Variants in PCDH9 observed in about 807,000 individuals in gnomAD.
PCDH9 encodes protocadherin 9.
In PCDH9, 24 loss-of-function variants were observed where a neutral mutation model predicts 70.6. The observed-to-expected ratio is 0.34, with a 90% CI of 0.25 to 0.48. The LOEUF is 0.48. Ranked by LOEUF, PCDH9 falls within the 20% of genes least tolerant of loss-of-function variation. The pLI is 0.99. For synonymous variants in PCDH9, 562 were observed against 558.5 expected (o/e 1.01, Z -0.09); for missense variants, 1,281 against 1,503.6 (o/e 0.85, Z 2.45).
intron 2 of PCDH9, among the ~76,000 whole-genome samples, chr13:67,022,137 T>C (rs1192547510): frequency 1.6e-5 from 1 of 61,124 alleles, no homozygotes. Context: ...TTTTTTTTTT[T>C]TTTTTTTTTT....
intron 4 of PCDH9, among the ~76,000 whole-genome samples, chr13:66,491,077 A>G (rs1028145861): frequency 6.6e-6 from 1 of 152,180 alleles, no homozygotes; most frequent in African/African-American, 2.4e-5. Context: ...TCTCCTGAAC[A>G]TCTGTTTTAA....
At chr13:66,460,556 T>C (rs1958404664) in intron 4 of PCDH9, among the ~76,000 whole-genome samples, 1 of 151,934 alleles carries the variant, frequency 6.6e-6, no homozygotes, top group Non-Finnish European at 1.5e-5. Context: ...TATAAAATCC[T>C]GAGCCTTTTC....
At chr13:66,982,053 T>C (rs1254271366) in intron 2 of PCDH9, among the ~76,000 whole-genome samples, 4 of 152,152 alleles carry the variant, frequency 2.6e-5, no homozygotes, top group Non-Finnish European at 4.4e-5. Context: ...CATGGCTTGA[T>C]GCTGTCTTCA....
chr13:66,397,535 A>G (rs1251212091), intron 4 of PCDH9, among the ~76,000 whole-genome samples: 1 of 149,972 alleles, frequency 6.7e-6, no homozygotes, highest in Non-Finnish European at 1.5e-5. Flanking sequence ...GTATATATAC[A>G]CATATATGTC....
rs954125742 is a variant in PCDH9 at position 66,896,451 on chromosome 13, AAAT to A, written c.3138+7050_3138+7052del. ...CCCAGAACTTCAAGTATAATTTAAA[AAAT>A]AATAATAAGAGGCTATTATATGTAA... On this transcript the variant is annotated intron_variant, in intron 3 of 4. Coordinates refer to ENST00000377865, the MANE Select transcript of PCDH9 (RefSeq NM_203487.3). Among the ~76,000 whole-genome samples, 13 of 152,262 alleles carry A rather than the reference AAAT, an allele frequency of 8.5e-5. No homozygotes were observed. The East Asian group carries it at 1.5e-3, about 18-fold the overall frequency.
At chr13:66,449,411 A>G (rs1788475431) in intron 4 of PCDH9, among the ~76,000 whole-genome samples, 1 of 151,988 alleles carries the variant, frequency 6.6e-6, no homozygotes, top group African/African-American at 2.4e-5. Context: ...TACTGTATTT[A>G]GTTAAGAATA....
At chr13:66,967,937 G>A (rs1312339988) in intron 2 of PCDH9, among the ~76,000 whole-genome samples, 2 of 151,964 alleles carry the variant, frequency 1.3e-5, no homozygotes, top group African/African-American at 4.8e-5. Context: ...GAATGAGGGA[G>A]CCTCTCATCC....
At chr13:66,368,515 A>T (rs746398817) in intron 4 of PCDH9, among the ~76,000 whole-genome samples, 19 of 151,928 alleles carry the variant, frequency 1.3e-4, no homozygotes, top group Non-Finnish European at 2.5e-4. Context: ...TCTGAAAAAA[A>T]ATTAAATATT....
chr13:66,829,008 C>CT (rs565296411), intron 3 of PCDH9, among the ~76,000 whole-genome samples: 53,307 of 151,682 alleles, frequency 0.35, 10,074 homozygotes, highest in Non-Finnish European at 0.43. Context: ...TTCTGTGGGT[C>CT]TTTTTTTGTT....
At chr13:66,609,253 A>T (rs533134052) in intron 4 of PCDH9, among the ~76,000 whole-genome samples, 1 of 152,316 alleles carries the variant, frequency 6.6e-6, no homozygotes, top group African/African-American at 2.4e-5. Flanking sequence ...ATAGAAAATA[A>T]AAAATATGCT....
chr13:66,398,465 T>TA (rs960925622), intron 4 of PCDH9, among the ~76,000 whole-genome samples: 18 of 151,956 alleles, frequency 1.2e-4, no homozygotes, highest in South Asian at 8.3e-4. Context: ...ATTTGTCTAT[T>TA]AAAAAAAATA....
chr13:66,805,070 C>T (rs1282108383), intron 3 of PCDH9, among the ~76,000 whole-genome samples: 1 of 152,082 alleles, frequency 6.6e-6, no homozygotes, highest in African/African-American at 2.4e-5. Context: ...CTTATCTTGG[C>T]AGATAGTTAA....
intron 2 of PCDH9, among the ~76,000 whole-genome samples, chr13:67,123,285 A>G (rs1055886200): frequency 6.6e-6 from 1 of 152,226 alleles, no homozygotes; most frequent in African/African-American, 2.4e-5. Context: ...CATATTTCCT[A>G]TAAGAAATGC....
chr13:66,633,429 A>G (rs1401330251), intron 3 of PCDH9, among the ~76,000 whole-genome samples: 1 of 152,164 alleles, frequency 6.6e-6, no homozygotes, highest in Non-Finnish European at 1.5e-5. Context: ...ACTCTCTTAT[A>G]TATATTTAAC....
chr13:67,040,633 C>G (rs960949957), intron 2 of PCDH9, among the ~76,000 whole-genome samples: 15 of 151,976 alleles, frequency 9.9e-5, no homozygotes, highest in Non-Finnish European at 1.8e-4. Context: ...TATAAGCCAC[C>G]AAGTTTATAG....
chr13:67,165,711 A>C (rs2088094981), intron 2 of PCDH9, among the ~76,000 whole-genome samples: 1 of 152,212 alleles, frequency 6.6e-6, no homozygotes, highest in Non-Finnish European at 1.5e-5. Flanking sequence ...AGTCAATTTT[A>C]AACACATTAT....
At chr13:66,637,230 T>C (rs1267506958) in intron 3 of PCDH9, among the ~76,000 whole-genome samples, 2 of 152,280 alleles carry the variant, frequency 1.3e-5, no homozygotes, top group South Asian at 2.1e-4. Context: ...AAGCAATCTA[T>C]GGTTATGGCC....
intron 4 of PCDH9, among the ~76,000 whole-genome samples, chr13:66,453,789 A>G (rs1958263042): frequency 6.6e-6 from 1 of 152,168 alleles, no homozygotes; most frequent in South Asian, 2.1e-4. Flanking sequence ...TTTTGCAAAA[A>G]TTATTATTTC....
At position 66,702,582 on chromosome 13, in the gene PCDH9, A is replaced by G. The variant is rs147475307; in HGVS notation, c.3139-71171T>C. On this transcript the variant is annotated intron_variant, in intron 3 of 4. Transcript: ENST00000377865. ...TCTTAAATGTTCTCATCACACACCA[A>G]ACCCATGCCCCCCACCAGTATACAA... is the stretch of plus-strand genomic sequence containing the variant. 2.6e-5 allele frequency among the ~76,000 whole-genome samples: 4 copies of G among 152,286 alleles called. No individual in the cohort carries two copies. In the East Asian group the frequency reaches 7.7e-4, roughly 29 times the overall value.
Sources: gnomAD v4.1 joint callset for allele counts (sites outside exome capture counted in the v4.1 genomes callset) on GRCh38, gnomAD v4.1.1 for gene constraint, MANE v1.5 for transcripts, NCBI Gene and HGNC (gene_info 2026-07-23, HGNC 2026-07-21) for gene names.